The following PUDP variants were observed in gnomAD, a reference collection of about 807,000 sequenced individuals.
The protein encoded by PUDP is pseudouridine-5'-phosphatase.
In PUDP, 8 loss-of-function variants were observed where a neutral mutation model predicts 9.4. That is an observed-to-expected ratio of 0.85 (90% CI 0.50 to 1.53). The LOEUF (loss-of-function observed/expected upper bound fraction) is 1.53. Ranked by LOEUF, PUDP falls within the 40% of genes most tolerant of loss-of-function variation. The pLI is 0.00. For missense variants in PUDP, 188 were observed against 189.7 expected, an observed-to-expected ratio of 0.99 and a Z score of 0.05; for synonymous variants, 99 against 80.7, an observed-to-expected ratio of 1.23 and a Z score of -1.22.
intron 1 of PUDP, among the ~76,000 whole-genome samples, chrX:6,714,595 TGATA>T (rs1400697526): frequency 1.2e-4 from 13 of 110,920 alleles, no homozygotes; most frequent in East Asian, 5.7e-4. Context: ...TAGATAGATA[TGATA>T]GATAGATACA....
At chrX:7,013,711 C>T (rs954893144) in intron 1 of PUDP, among the ~76,000 whole-genome samples, 14 of 112,271 alleles carry the variant, frequency 1.2e-4, no homozygotes, top group Non-Finnish European at 2.3e-4. Flanking sequence ...ATGGAGCACA[C>T]AGATGGGCAG....
chrX:6,900,335 G>C (rs1281630550), intron 3 of PUDP, among the ~76,000 whole-genome samples: 1 of 106,301 alleles, frequency 9.4e-6, no homozygotes, highest in Non-Finnish European at 1.9e-5. Flanking sequence ...TTGGGGGGGG[G>C]GGCGCTGCTA....
intron 3 of PUDP, among the ~76,000 whole-genome samples, chrX:6,828,928 G>A (rs1379944621): frequency 1.8e-5 from 2 of 110,087 alleles, no homozygotes; most frequent in South Asian, 3.9e-4. Context: ...GTTCATTTAC[G>A]TATTCACCTA....
intron 1 of PUDP, among the ~76,000 whole-genome samples, chrX:7,007,067 G>A (rs776112018): frequency 9.0e-6 from 1 of 111,347 alleles, no homozygotes; most frequent in South Asian, 3.9e-4. Flanking sequence ...CTGAGACAAT[G>A]AGCATTGCCA....
upstream of PUDP, among the ~76,000 whole-genome samples, chrX:6,722,067 T>C (rs1270274845): frequency 9.1e-6 from 1 of 109,960 alleles, no homozygotes; most frequent in African/African-American, 3.3e-5. Context: ...AACAAGCAAT[T>C]GTGTGTAGAA....
At chrX:6,852,652 A>AT (rs1313114423) in intron 3 of PUDP, among the ~76,000 whole-genome samples, 1 of 111,815 alleles carries the variant, frequency 8.9e-6, no homozygotes, top group East Asian at 2.8e-4. Context: ...ACAAGAGGTG[A>AT]TTTTTAAAAT....
intron 1 of PUDP, among the ~76,000 whole-genome samples, chrX:7,114,476 T>C (rs899532367): frequency 2.0e-4 from 22 of 111,791 alleles, no homozygotes; most frequent in African/African-American, 6.8e-4. Flanking sequence ...AAAGGGTCCA[T>C]TCATGAGGGC....
Position 6,767,231 on chromosome X carries a change from C to A in PUDP, c.*248-60765G>T, listed in dbSNP as rs766410310. Among the ~76,000 whole-genome samples the A allele has an allele frequency of 4.4e-5, 5 of 113,071 alleles. No individual in the cohort carries two copies. In the East Asian group the frequency reaches 1.1e-3, roughly 25 times the overall value. On this transcript the variant is annotated intron_variant and NMD_transcript_variant, in intron 3 of 3. Coordinates refer to the PUDP transcript ENST00000655425. ...AATGATACACAAAGAATCTGGTCAACCATGGCATGCGTTTGGGTCCATTGC... is the reference window on the plus strand; with the variant it reads ...AATGATACACAAAGAATCTGGTCAAACATGGCATGCGTTTGGGTCCATTGC...
At chrX:7,109,515 A>G (rs1446188934) in intron 1 of PUDP, among the ~76,000 whole-genome samples, 1 of 112,366 alleles carries the variant, frequency 8.9e-6, no homozygotes, top group African/African-American at 3.2e-5. Flanking sequence ...ATCCTCTAAA[A>G]ATGCTTCCAA....
chrX:7,036,589 C>T (rs1424376914), intron 1 of PUDP, among the ~76,000 whole-genome samples: 1 of 106,651 alleles, frequency 9.4e-6, no homozygotes, highest in East Asian at 3.0e-4. Context: ...TTGTTCTTTT[C>T]CATCTCACAT....
intron 3 of PUDP, among the ~76,000 whole-genome samples, chrX:6,729,991 T>C (rs1924790178): frequency 8.9e-6 from 1 of 112,391 alleles, no homozygotes; most frequent in African/African-American, 3.2e-5. Context: ...AGGTGTGCTC[T>C]CATGGTGACT....
At chrX:6,727,119 A>G (rs891287388) in intron 3 of PUDP, among the ~76,000 whole-genome samples, 8 of 111,758 alleles carry the variant, frequency 7.2e-5, no homozygotes, top group African/African-American at 2.6e-4. Context: ...CACACAGGTA[A>G]AATTTAATGG....
At chrX:7,139,013 T>C (rs1602840425) in intron 1 of PUDP, among the ~76,000 whole-genome samples, 1 of 112,180 alleles carries the variant, frequency 8.9e-6, no homozygotes, top group African/African-American at 3.2e-5. Flanking sequence ...GTCTGGAATA[T>C]CCATTTTTCT....
intron 1 of PUDP, among the ~76,000 whole-genome samples, chrX:7,123,390 A>G (rs1887082665): frequency 8.9e-6 from 1 of 112,144 alleles, no homozygotes; most frequent in South Asian, 3.7e-4. Context: ...AGCAATCACT[A>G]AGAAATACAG....
chrX:6,906,368 G>A (rs1349378900), intron 3 of PUDP, among the ~76,000 whole-genome samples: 1 of 112,213 alleles, frequency 8.9e-6, no homozygotes, highest in Non-Finnish European at 1.9e-5. Flanking sequence ...GAAACTATAT[G>A]AAGCCAAGAA....
At chrX:6,991,393 T>A (rs951274336) in intron 1 of PUDP, among the ~76,000 whole-genome samples, 5 of 111,365 alleles carry the variant, frequency 4.5e-5, no homozygotes, top group Non-Finnish European at 9.4e-5. Context: ...AAATTTTTTT[T>A]AAATATTGGG....
At chrX:7,116,906 T>C in intron 1 of PUDP, 6 of 1,154,148 alleles carry the variant, frequency 5.2e-6, no homozygotes, top group Non-Finnish European at 5.8e-6. Context: ...GCATGGTACC[T>C]CCCCCCAACT....
At chrX:6,943,937 G>GAA (rs199713105) in intron 3 of PUDP, among the ~76,000 whole-genome samples, 2 of 110,299 alleles carry the variant, frequency 1.8e-5, no homozygotes, top group African/African-American at 6.6e-5. Context: ...AACAGAGTTA[G>GAA]AAAAAAAAAT....
intron 3 of PUDP, among the ~76,000 whole-genome samples, chrX:6,928,921 C>T (rs931746826): frequency 1.8e-5 from 2 of 111,548 alleles, no homozygotes; most frequent in Admixed American, 9.5e-5. Flanking sequence ...CAAACAAAAC[C>T]CAGAGCCATA....
Sources: gnomAD v4.1 joint callset for allele counts (sites outside exome capture counted in the v4.1 genomes callset) on GRCh38, gnomAD v4.1.1 for gene constraint, MANE v1.5 for transcripts, NCBI Gene and HGNC (gene_info 2026-07-23, HGNC 2026-07-21) for gene names.